Variants in SCML4 observed in about 807,000 individuals in gnomAD.
The protein encoded by SCML4 is sex comb on midleg-like protein 4.
Under a neutral mutation model 41.1 loss-of-function variants are expected in SCML4, and 34 were observed. That is an observed-to-expected ratio of 0.83 (90% CI 0.63 to 1.10). SCML4 has a LOEUF of 1.10. Ranked by LOEUF, SCML4 falls within the 50% of genes least tolerant of loss-of-function variation. The probability of loss-of-function intolerance (pLI) is 0.00; values close to 1 mark genes in which losing one functional copy is unlikely to be tolerated. For missense variants in SCML4, 522 were observed against 534.1 expected, an observed-to-expected ratio of 0.98 and a Z score of 0.22; for synonymous variants, 214 against 220.9, an observed-to-expected ratio of 0.97 and a Z score of 0.28.
At position 107,708,155 on chromosome 6, in the gene SCML4, T is replaced by C. The variant is rs567687203; in HGVS notation, c.974-144A>G. On this transcript the variant is annotated intron_variant, in intron 6 of 7. Transcript: ENST00000369020. ...ACCTGGCCCAAGTGACCTCCTGTCA[T>C]AGGGAAAGGCTGTGAGTGGCAGCTC... The C allele has an allele frequency of 2.6e-5, 24 of 925,906 alleles. No homozygotes were observed. In the South Asian group the frequency reaches 3.6e-4, roughly 14 times the overall value. The allele number at this position is 925,906 out of a possible 1,614,324, so 57.4% of individuals were successfully genotyped here. A position where few individuals can be genotyped will look rare whatever the true frequency, so the allele number is the denominator to read the frequency against.
chr6:107,711,022 C>CT (rs1183200853), intron 6 of SCML4, among the ~76,000 whole-genome samples: 3,526 of 47,240 alleles, frequency 0.075, 1,370 homozygotes, highest in African/African-American at 0.22. Flanking sequence ...TGCACAAACT[C>CT]TTTTTTTTTT....
At chr6:107,793,495 T>C (rs1033068371) in intron 1 of SCML4, among the ~76,000 whole-genome samples, 1 of 152,252 alleles carries the variant, frequency 6.6e-6, no homozygotes, top group Admixed American at 6.5e-5. Context: ...CTCACTGTTC[T>C]AGAAGTGTGT....
At chr6:107,786,043 C>A (rs1781869693) in intron 1 of SCML4, among the ~76,000 whole-genome samples, 1 of 152,114 alleles carries the variant, frequency 6.6e-6, no homozygotes. Flanking sequence ...TGTGTGCAGC[C>A]CTGCAGTCCC....
chr6:107,720,086 G>T lies in SCML4; in HGVS notation c.973+617C>A, dbSNP rs1345300911. On this transcript the variant is annotated intron_variant, in intron 6 of 7. Coordinates refer to ENST00000369020, the MANE Select transcript of SCML4 (RefSeq NM_198081.5). ...TAACTCTGCCTCTGCTCATGTATTTGTATCCTGAAGGTGACACTTCCTATG... is the reference window on the plus strand; with the variant it reads ...TAACTCTGCCTCTGCTCATGTATTTTTATCCTGAAGGTGACACTTCCTATG... The T allele has an allele frequency of 7.1e-6, 7 of 985,290 alleles. No homozygotes were observed. In the African/African-American group the frequency reaches 1.0e-4, roughly 15 times the overall value. 61.0% of individuals were successfully genotyped at this position (985,290 alleles called of 1,614,324 possible). A position where few individuals can be genotyped will look rare whatever the true frequency, so the allele number is the denominator to read the frequency against.
intron 2 of SCML4, among the ~76,000 whole-genome samples, chr6:107,762,876 C>CTT (rs57370632): frequency 4.0e-4 from 36 of 89,694 alleles, no homozygotes; most frequent in African/African-American, 8.8e-4. Context: ...TAAATGCACT[C>CTT]TTTTTTTTTT....
intron 2 of SCML4, among the ~76,000 whole-genome samples, chr6:107,761,512 C>T (rs1779594459): frequency 6.6e-6 from 1 of 151,400 alleles, no homozygotes; most frequent in South Asian, 2.1e-4. Flanking sequence ...TCTCGGCTTA[C>T]TGCAACCACT....
chr6:107,720,619 C>G, intron 6 of SCML4, 84 bp downstream of exon 6: 1 of 1,451,700 alleles, frequency 6.9e-7, no homozygotes, highest in Non-Finnish European at 9.1e-7. Context: ...AACAGCCACA[C>G]TCCCCCTTCC....
intron 1 of SCML4, among the ~76,000 whole-genome samples, chr6:107,777,204 G>A (rs896115216): frequency 6.6e-6 from 1 of 152,076 alleles, no homozygotes; most frequent in African/African-American, 2.4e-5. Flanking sequence ...TGCAACCTCC[G>A]CTTCCCGGGT....
chr6:107,745,224 G>A (rs933632588), intron 4 of SCML4, 81 bp from the exon 5 acceptor site: 19 of 1,087,386 alleles, frequency 1.7e-5, no homozygotes, highest in African/African-American at 4.8e-5. Context: ...AGGATTTTTC[G>A]TTTGTTCATT....
chr6:107,742,059 A>T (rs142749317), intron 5 of SCML4, among the ~76,000 whole-genome samples: 62 of 152,318 alleles, frequency 4.1e-4, no homozygotes, highest in African/African-American at 1.4e-3. Context: ...ATTCAGAAAT[A>T]TATCAGAGAA....
At chr6:107,759,412 C>T (rs1361382091) in intron 2 of SCML4, among the ~76,000 whole-genome samples, 1 of 151,892 alleles carries the variant, frequency 6.6e-6, no homozygotes, top group Non-Finnish European at 1.5e-5. Context: ...AGGCAAAGTG[C>T]AGAAAAGAAC....
intron 1 of SCML4, among the ~76,000 whole-genome samples, chr6:107,781,717 TTCA>T (rs1781516408): frequency 6.6e-6 from 1 of 150,822 alleles, no homozygotes; most frequent in Non-Finnish European, 1.5e-5. Context: ...CAACAGAACG[TTCA>T]AGGGTGATAA....
At chr6:107,754,780 A>C (rs1294367489) in intron 2 of SCML4, among the ~76,000 whole-genome samples, 1 of 152,152 alleles carries the variant, frequency 6.6e-6, no homozygotes, top group Non-Finnish European at 1.5e-5. Flanking sequence ...AGACCTCCTA[A>C]TGACTTTAAC....
At chr6:107,709,396 G>A (rs1395448513) in intron 6 of SCML4, among the ~76,000 whole-genome samples, 1 of 152,224 alleles carries the variant, frequency 6.6e-6, no homozygotes, top group African/African-American at 2.4e-5. Flanking sequence ...CAGGTGTAAG[G>A]ATGGAAATGG....
rs570703499 is a variant in SCML4, at chr6:107,703,048, G to A, written c.*2152C>T. Among the ~76,000 whole-genome samples, 5 of 152,272 alleles carry A rather than the reference G, an allele frequency of 3.3e-5. No individual in the cohort carries two copies. Among genetic ancestry groups the A allele is most frequent in the South Asian group, 2.1e-4 (1 of 4,826 alleles). On this transcript the variant is annotated 3_prime_UTR_variant, in exon 8 of 8. Transcript: ENST00000369020. ...GCTATACTACCACCAGTGCCATGAC[G>A]GTTTACAAATGCCATGGCAACATCA...
intron 1 of SCML4, among the ~76,000 whole-genome samples, chr6:107,784,173 C>T (rs898382032): frequency 1.3e-5 from 2 of 152,138 alleles, no homozygotes; most frequent in Non-Finnish European, 2.9e-5. Flanking sequence ...AGTTCGTGAC[C>T]GGGCAGAATG....
the SCML4 span, among the ~76,000 whole-genome samples, chr6:107,844,657 A>G: frequency 2.0e-5 from 3 of 152,066 alleles, no homozygotes; most frequent in African/African-American, 7.2e-5. Flanking sequence ...CTATAGTCCC[A>G]GTGGGGAAGG....
intron 2 of SCML4, chr6:107,755,602 C>T (rs1469140878): frequency 4.5e-6 from 6 of 1,347,546 alleles, no homozygotes; most frequent in African/African-American, 1.5e-5. Flanking sequence ...GGTTCTCTGC[C>T]TGTCGCAACC....
chr6:107,818,613 A>G (rs527972518), intron 1 of SCML4, among the ~76,000 whole-genome samples: 1 of 152,366 alleles, frequency 6.6e-6, no homozygotes, highest in South Asian at 2.1e-4. Flanking sequence ...AATGATTCTT[A>G]CAGTCCTATA....
Sources: allele counts gnomAD v4.1 joint callset (sites outside exome capture counted in the v4.1 genomes callset), GRCh38; gene constraint gnomAD v4.1.1; transcripts MANE v1.5; gene names NCBI Gene and HGNC (gene_info 2026-07-23, HGNC 2026-07-21).